The following PCDHGB3 variants were observed in gnomAD, a reference collection of about 807,000 sequenced individuals.
The protein encoded by PCDHGB3 is protocadherin gamma-B3.
A neutral mutation model predicts 59.2 loss-of-function variants in PCDHGB3; 40 were observed. The observed-to-expected ratio is 0.68, with a 90% confidence interval of 0.52 to 0.88. The LOEUF (loss-of-function observed/expected upper bound fraction) is 0.88, where lower values mean the gene tolerates loss of function less well. PCDHGB3 is among the 40% of genes least tolerant of loss of function. PCDHGB3 has a pLI of 0.00. For synonymous variants in PCDHGB3, 581 were observed against 503.6 expected, an observed-to-expected ratio of 1.15 and a Z score of -2.06; for missense variants, 1,309 against 1,187.9, an observed-to-expected ratio of 1.10 and a Z score of -1.50.
chr5:141,383,880 T>A, intron 1 of PCDHGB3: 2 of 1,613,994 alleles, frequency 1.2e-6, no homozygotes, highest in Non-Finnish European at 1.7e-6. Context: ...GTCCTGGTAG[T>A]CTGACAAAGG....
chr5:141,418,063 G>T (rs2015825), intron 1 of PCDHGB3: 734,858 of 1,613,808 alleles, frequency 0.46, 174,471 homozygotes, highest in African/African-American at 0.8. Flanking sequence ...AGCTGCGAGT[G>T]AGCGCGGAGA....
In PCDHGB3 at chr5:141,432,330, A is replaced by G. The variant is rs760184218; in HGVS notation, c.2415+59521A>G. 82 of 1,614,134 alleles carry G rather than the reference A, an allele frequency of 5.1e-5. No individual in the cohort carries two copies. The highest frequency in any genetic ancestry group is 6.8e-5 in the Non-Finnish European group (80 of 1,180,048). Reference sequence around the variant, plus strand: ...GCGCTGAGCTCCTTCGACTACGAGCAGTTCCGAGACTTGCAAGTGAAAGTG... The same window carrying G: ...GCGCTGAGCTCCTTCGACTACGAGCGGTTCCGAGACTTGCAAGTGAAAGTG... On this transcript the variant is annotated intron_variant, in intron 1 of 3. Transcript: ENST00000576222. The surrounding 1 kb of genome is among the most constrained non-coding windows in gnomAD (Gnocchi z 6.0).
At chr5:141,438,997 C>T (rs2098080665) in intron 1 of PCDHGB3, among the ~76,000 whole-genome samples, 1 of 151,716 alleles carries the variant, frequency 6.6e-6, no homozygotes, top group Admixed American at 6.6e-5. Flanking sequence ...AGGCTAAGGA[C>T]CTGGTTTGTT....
At chr5:141,455,661 T>TG (rs2098828692) in intron 1 of PCDHGB3, among the ~76,000 whole-genome samples, 1 of 152,024 alleles carries the variant, frequency 6.6e-6, no homozygotes, top group South Asian at 2.1e-4. Context: ...CAGGAACTTG[T>TG]GGGGCAAGGG....
chr5:141,415,885 C>A (rs778154458), intron 1 of PCDHGB3: 7 of 978,904 alleles, frequency 7.2e-6, no homozygotes, highest in Non-Finnish European at 9.6e-6. Context: ...ACAATATTGA[C>A]AATTCCTAAG....
chr5:141,418,990 G>A (rs1029969170), intron 1 of PCDHGB3: 1 of 1,613,784 alleles, frequency 6.2e-7, no homozygotes, highest in African/African-American at 1.3e-5. Flanking sequence ...AAGACTCAGG[G>A]GAAAATGGGG....
Position 141,372,285 on chromosome 5 carries a change from A to C in PCDHGB3, c.1891A>C (p.Thr631Pro), listed in dbSNP as rs1588702702. Residue 631 changes from threonine to proline, a missense_variant, in exon 1 of 4, where the codon ACC becomes CCC. Coordinates refer to ENST00000576222, the MANE Select transcript of PCDHGB3 (RefSeq NM_018924.5). ...CACGGGTGAGGTGCGCACGGCGCGT[A>C]CCTTGGGCGACAGGGAGGCCGCCCG... Reference protein sequence around the residue: ...LRTGEVRTARTLGDREAARQR... With the variant: ...LRTGEVRTARPLGDREAARQR... 1 of 1,613,032 alleles carries C rather than the reference A, an allele frequency of 6.2e-7. No individual in the cohort carries two copies. The highest frequency in any genetic ancestry group is 8.5e-7 in the Non-Finnish European group (1 of 1,179,850).
At chr5:141,389,480 C>G in intron 1 of PCDHGB3, 1 of 1,613,150 alleles carries the variant, frequency 6.2e-7, no homozygotes, top group Non-Finnish European at 8.5e-7. Flanking sequence ...CACTGCAGGC[C>G]CGCGACCAGG....
At chr5:141,460,848 C>A (rs528601988) in intron 1 of PCDHGB3, among the ~76,000 whole-genome samples, 1 of 150,236 alleles carries the variant, frequency 6.7e-6, no homozygotes, top group African/African-American at 2.4e-5. Context: ...GCCTCCAGTT[C>A]GATCCAAGTT....
Position 141,418,737 on chromosome 5 carries a change from C to T in PCDHGB3, c.2415+45928C>T, listed in dbSNP as rs768683069. 7.4e-6 allele frequency: 12 copies of T among 1,613,960 alleles called. No homozygotes were observed. The South Asian group carries it at 1.3e-4, about 18-fold the overall frequency. ...GCTGACAAAGCTCAGCACGTGTTCT[C>T]TCTGGATTACACTACAGGAAACATT... On this transcript the variant is annotated intron_variant, in intron 1 of 3. Coordinates refer to ENST00000576222, the MANE Select transcript of PCDHGB3 (RefSeq NM_018924.5).
chr5:141,383,342 C>T, intron 1 of PCDHGB3: 2 of 1,613,958 alleles, frequency 1.2e-6, no homozygotes, highest in Non-Finnish European at 1.7e-6. Flanking sequence ...AATACAGCTC[C>T]TGGGGTTCGG....
chr5:141,432,117 C>T lies in PCDHGB3; in HGVS notation c.2415+59308C>T, dbSNP rs761106133. The T allele has an allele frequency of 3.9e-5, 63 of 1,614,062 alleles. No individual in the cohort carries two copies. Among genetic ancestry groups the T allele is most frequent in the Non-Finnish European group, 4.2e-5 (50 of 1,180,048 alleles). On this transcript the variant is annotated intron_variant, in intron 1 of 3. Transcript: ENST00000576222. The surrounding 1 kb of genome is among the most constrained non-coding windows in gnomAD (Gnocchi z 6.0). ...ACCAACGACAACCCGCCGGTCTTCC[C>T]TCAGGCCTCCTATTCCGCTTATATC...
At chr5:141,456,352 C>T (rs1253586137) in intron 1 of PCDHGB3, among the ~76,000 whole-genome samples, 1 of 152,050 alleles carries the variant, frequency 6.6e-6, no homozygotes, top group Non-Finnish European at 1.5e-5. Flanking sequence ...GGAAGAATGG[C>T]GTCCATGTGT....
rs376415955 is a variant in PCDHGB3, at chr5:141,432,082, C to T, written c.2415+59273C>T. ...CCACGGAAACTCATATCTCGCTGAACGTGGCAGACACCAACGACAACCCGC... is the reference window on the plus strand; with the variant it reads ...CCACGGAAACTCATATCTCGCTGAATGTGGCAGACACCAACGACAACCCGC... On this transcript the variant is annotated intron_variant, in intron 1 of 3. Transcript: ENST00000576222. This position sits in a 1 kb window ranked among gnomAD's most constrained non-coding sequence, Gnocchi z 6.0. The T allele has an allele frequency of 3.1e-6, 5 of 1,614,184 alleles. No homozygotes were observed. Among genetic ancestry groups the T allele is most frequent in the Non-Finnish European group, 4.2e-6 (5 of 1,180,028 alleles).
intron 1 of PCDHGB3, chr5:141,418,580 G>A: frequency 1.2e-5 from 20 of 1,614,018 alleles, no homozygotes; most frequent in Non-Finnish European, 1.7e-5. Flanking sequence ...CAACCCCCCA[G>A]TGTTCAGCCA....
chr5:141,404,741 G>C, intron 1 of PCDHGB3: 1 of 1,614,072 alleles, frequency 6.2e-7, no homozygotes, highest in South Asian at 1.1e-5. Context: ...AGTGGACAGA[G>C]ACTCAGGCCA....
intron 1 of PCDHGB3, chr5:141,375,055 G>T (rs1771087502): frequency 6.2e-7 from 1 of 1,614,042 alleles, no homozygotes; most frequent in Non-Finnish European, 8.5e-7. Flanking sequence ...CCCGGGATGG[G>T]CCAGGTCTTC....
At position 141,432,730 on chromosome 5, in the gene PCDHGB3, T is replaced by A; in HGVS notation, c.2415+59921T>A. 6.2e-7 allele frequency: 1 copy of A among 1,614,052 alleles called. No homozygotes were observed. Among genetic ancestry groups the A allele is most frequent in the Non-Finnish European group, 8.5e-7 (1 of 1,179,976 alleles). Reference sequence around the variant, plus strand: ...ACGGCCAGCCCCCTCTCTCCGCCACTGTCACGCTCACCGTGGCCGTGGCCG... The same window carrying A: ...ACGGCCAGCCCCCTCTCTCCGCCACAGTCACGCTCACCGTGGCCGTGGCCG... On this transcript the variant is annotated intron_variant, in intron 1 of 3. Transcript: ENST00000576222. The surrounding 1 kb of genome is among the most constrained non-coding windows in gnomAD (Gnocchi z 6.0).
rs1369501221 is a variant in PCDHGB3 at position 141,493,257 on chromosome 5, A to G, written c.2416-1550A>G. On this transcript the variant is annotated intron_variant, in intron 1 of 3. Coordinates refer to ENST00000576222, the MANE Select transcript of PCDHGB3 (RefSeq NM_018924.5). The surrounding 1 kb of genome is among the most constrained non-coding windows in gnomAD (Gnocchi z 4.3). ...GGCTAGGTACTAACATGCCTCTCTT[A>G]TAACAGCTTCACAGAGGTCAAGTGA... Among the ~76,000 whole-genome samples the G allele has an allele frequency of 6.6e-6, 1 of 152,190 alleles. No individual in the cohort carries two copies. Among genetic ancestry groups the G allele is most frequent in the South Asian group, 2.1e-4 (1 of 4,830 alleles).
Sources: gnomAD v4.1 joint callset for allele counts (sites outside exome capture counted in the v4.1 genomes callset) on GRCh38, gnomAD v4.1.1 for gene constraint, Gnocchi (gnomAD v3.1) non-coding constraint, MANE v1.5 for transcripts, NCBI Gene and HGNC (gene_info 2026-07-23, HGNC 2026-07-21) for gene names.